Variants in HNRNPH3 observed in about 807,000 individuals in gnomAD.
HNRNPH3 encodes heterogeneous nuclear ribonucleoprotein H3.
In HNRNPH3, 7 loss-of-function variants were observed where a neutral mutation model predicts 47.0. The observed-to-expected ratio is 0.15, with a 90% CI of 0.08 to 0.28. HNRNPH3 has a LOEUF of 0.28. Among genes scored for constraint, HNRNPH3 ranks in the 10% least tolerant of loss-of-function variants. The pLI is 1.00. For missense variants in HNRNPH3, 279 were observed against 449.6 expected (o/e 0.62, Z 3.43); for synonymous variants, 120 against 143.2 (o/e 0.84, Z 1.16).
At chr10:68,332,714 T>C (rs952028654) in intron 1 of HNRNPH3, 1 of 152,340 alleles carries the variant, frequency 6.6e-6, no homozygotes, top group African/African-American at 2.4e-5. Context: ...GCGCTCCCGA[T>C]GGAAATGGCG....
chr10:68,341,948 C>A (rs2045988847), intron 9 of HNRNPH3, 30 bp from the exon 10 acceptor site: 1 of 1,608,112 alleles, frequency 6.2e-7, no homozygotes, highest in Non-Finnish European at 8.5e-7. Context: ...ATATCTCCTG[C>A]TGAGTGATTC....
rs1564757797 is a variant in HNRNPH3 at position 68,341,742 on chromosome 10, CTTTTT to C, written c.872-15_872-11del. The C allele has an allele frequency of 6.3e-7, 1 of 1,586,322 alleles. No homozygotes were observed. The highest frequency in any genetic ancestry group is 1.9e-5 in the Admixed American group (1 of 53,076). On this transcript the variant is annotated splice_polypyrimidine_tract_variant and intron_variant, in intron 8 of 9. Coordinates refer to ENST00000265866, the MANE Select transcript of HNRNPH3 (RefSeq NM_012207.3). ...TTATCGATGAGTCTCAATTTTTTTT[CTTTTT>C]TCTTTTTAAAGATAATCAGGGAGGC...
chr10:68,339,008 G>T, intron 4 of HNRNPH3, 132 bp from the exon 5 acceptor site: 2 of 634,618 alleles, frequency 3.2e-6, no homozygotes, highest in Non-Finnish European at 5.2e-6. Context: ...TTTTTTCATA[G>T]GTTTTAAGTT....
At chr10:68,335,803 A>G (rs939477088) in intron 1 of HNRNPH3, among the ~76,000 whole-genome samples, 5 of 152,200 alleles carry the variant, frequency 3.3e-5, no homozygotes, top group Non-Finnish European at 7.3e-5. Context: ...TCAGAGGTAA[A>G]GTGGTTCAGG....
rs200059151 is a variant in HNRNPH3 at position 68,341,862 on chromosome 10, C to A, written c.964+11C>A. On this transcript the variant is annotated intron_variant, in intron 9 of 9. Transcript: ENST00000265866. The stretch of plus-strand genomic sequence containing the variant: ...GTTTGGGTGGTTATGGTAAGTATCT[C>A]TAGTTCAGTTTGTGTTAGTCCGCAT... 2.6e-5 allele frequency: 41 copies of A among 1,604,562 alleles called. No homozygotes were observed. Among genetic ancestry groups the A allele is most frequent in the Non-Finnish European group, 9.4e-6 (11 of 1,172,200 alleles).
chr10:68,341,143 G>C, intron 6 of HNRNPH3, 31 bp from the exon 7 acceptor site: 2 of 1,449,862 alleles, frequency 1.4e-6, no homozygotes, highest in Non-Finnish European at 1.9e-6. Context: ...ATTCTCAATA[G>C]AAAAGTAAAT....
chr10:68,342,971 C>T lies in HNRNPH3; in HGVS notation c.*917C>T, dbSNP rs2046052880. On this transcript the variant is annotated 3_prime_UTR_variant, in exon 10 of 10. Coordinates refer to ENST00000265866, the MANE Select transcript of HNRNPH3 (RefSeq NM_012207.3). ...GTCATAGTCAATAAAAACAATCCTG[C>T]AGTTGGGTTTTGTATCTGATCCCTG... 6.6e-6 allele frequency: 1 copy of T among 152,134 alleles called. No homozygotes were observed. The highest frequency in any genetic ancestry group is 1.5e-5 in the Non-Finnish European group (1 of 68,024). The allele number at this position is 152,134 out of a possible 1,614,324, so 9.4% of individuals were successfully genotyped here. A position where few individuals can be genotyped will look rare whatever the true frequency, so the allele number is the denominator to read the frequency against.
intron 1 of HNRNPH3, among the ~76,000 whole-genome samples, chr10:68,335,754 G>C (rs1258047351): frequency 6.6e-6 from 1 of 152,146 alleles, no homozygotes; most frequent in African/African-American, 2.4e-5. Context: ...AGTCCAGTGA[G>C]GTACAGGTAC....
chr10:68,340,101 C>G (rs1330728806), intron 6 of HNRNPH3, among the ~76,000 whole-genome samples: 1 of 152,130 alleles, frequency 6.6e-6, no homozygotes, highest in Non-Finnish European at 1.5e-5. Context: ...GTGGCGCGAT[C>G]TCGGCTCACT....
In HNRNPH3 at chr10:68,338,010, G is replaced by T; in HGVS notation, c.251+14G>T. The T allele has an allele frequency of 6.3e-7, 1 of 1,577,806 alleles. No individual in the cohort carries two copies. The highest frequency in any genetic ancestry group is 8.7e-7 in the Non-Finnish European group (1 of 1,154,420). ...AATAGGGCACAGGTGGGGATGGAGA[G>T]TTTGGGATGGTGTTAAATTTTTATT... On this transcript the variant is annotated intron_variant, in intron 3 of 9. Transcript: ENST00000265866.
At chr10:68,333,866 A>T (rs1589695821) in intron 1 of HNRNPH3, among the ~76,000 whole-genome samples, 1 of 152,216 alleles carries the variant, frequency 6.6e-6, no homozygotes, top group Non-Finnish European at 1.5e-5. Flanking sequence ...AGTTTACGAA[A>T]ATCTTACCTT....
chr10:68,338,810 A>T (rs1315283505), intron 4 of HNRNPH3, 123 bp downstream of exon 4: 1 of 735,986 alleles, frequency 1.4e-6, no homozygotes, highest in African/African-American at 1.8e-5. Context: ...TGTTCATGAA[A>T]ATACGGATTC....
At chr10:68,332,374 C>T (rs1434758754) in intron 1 of HNRNPH3, 158 bp downstream of exon 1, 3 of 152,224 alleles carry the variant, frequency 2.0e-5, no homozygotes. Context: ...CCCCGACCAT[C>T]TCCCACTTCA....
At chr10:68,341,940 A>C in intron 9 of HNRNPH3, 38 bp from the exon 10 acceptor site, 3 of 1,603,458 alleles carry the variant, frequency 1.9e-6, no homozygotes, top group Non-Finnish European at 2.6e-6. Context: ...TTATGCAGAT[A>C]TCTCCTGCTG....
At chr10:68,340,553 A>G (rs2045845495) in intron 6 of HNRNPH3, among the ~76,000 whole-genome samples, 1 of 152,200 alleles carries the variant, frequency 6.6e-6, no homozygotes, top group Non-Finnish European at 1.5e-5. Flanking sequence ...TGGTTACATT[A>G]GAGACCCAAT....
Position 68,337,696 on chromosome 10 carries a change from A to G in HNRNPH3, c.113-162A>G. 3.2e-6 allele frequency: 2 copies of G among 631,172 alleles called. No individual in the cohort carries two copies. Among genetic ancestry groups the G allele is most frequent in the Non-Finnish European group, 5.3e-6 (2 of 377,846 alleles). The allele number at this position is 631,172 out of a possible 1,614,324, so 39.1% of individuals were successfully genotyped here. On this transcript the variant is annotated intron_variant, in intron 2 of 9. Transcript: ENST00000265866. This position sits in a 1 kb window ranked among gnomAD's most constrained non-coding sequence, Gnocchi z 4.5. The stretch of plus-strand genomic sequence containing the variant: ...CAAAAAATTTATTTAATCCAGTAAT[A>G]TTTGAAAAAATCTTTCATTTGTATT...
At chr10:68,341,057 T>G in intron 6 of HNRNPH3, 117 bp from the exon 7 acceptor site, 1 of 654,134 alleles carries the variant, frequency 1.5e-6, no homozygotes, top group East Asian at 2.8e-5. Context: ...GACTAAGTTA[T>G]TAGTCTGACA....
intron 5 of HNRNPH3, 43 bp downstream of exon 5, chr10:68,339,269 T>C (rs1018651793): frequency 1.3e-6 from 2 of 1,583,568 alleles, no homozygotes; most frequent in African/African-American, 1.4e-5. Context: ...AGGTAAATTT[T>C]AGTATTTGCT....
intron 1 of HNRNPH3, among the ~76,000 whole-genome samples, chr10:68,333,699 C>G (rs1364630180): frequency 6.6e-6 from 1 of 152,074 alleles, no homozygotes; most frequent in Non-Finnish European, 1.5e-5. Context: ...TCATTGAAGA[C>G]AGTACAAAAG....
Sources: gnomAD v4.1 joint callset for allele counts (sites outside exome capture counted in the v4.1 genomes callset) on GRCh38, gnomAD v4.1.1 for gene constraint, Gnocchi (gnomAD v3.1) non-coding constraint, MANE v1.5 for transcripts, NCBI Gene and HGNC (gene_info 2026-07-23, HGNC 2026-07-21) for gene names.